ACAD10: variants seen among roughly 807,000 people sequenced by gnomAD.
ACAD10 encodes the protein acyl-CoA dehydrogenase family member 10.
ACAD10 carries 112 observed loss-of-function variants against 116.8 expected under a neutral mutation model. The ratio of observed to expected loss-of-function variants is 0.96; its 90% confidence interval spans 0.82 to 1.12. ACAD10 has a LOEUF of 1.12. Among genes scored for constraint, ACAD10 ranks in the 50% most tolerant of loss-of-function variants. The pLI, the probability that ACAD10 is intolerant of heterozygous loss-of-function variation, is 0.00. For missense variants in ACAD10, 1,259 were observed against 1,350.2 expected (o/e 0.93, Z 1.06); for synonymous variants, 486 against 510.6 (o/e 0.95, Z 0.65).
intron 10 of ACAD10, among the ~76,000 whole-genome samples, chr12:111,733,383 C>T (rs1889454972): frequency 6.6e-6 from 1 of 152,116 alleles, no homozygotes; most frequent in African/African-American, 2.4e-5. Flanking sequence ...CCATTGCTCT[C>T]AGCCCTGGAC....
chr12:111,750,713 G>A (rs1012496204), intron 18 of ACAD10, among the ~76,000 whole-genome samples: 9 of 152,068 alleles, frequency 5.9e-5, no homozygotes, highest in East Asian at 1.9e-4. Flanking sequence ...AACTTTATTC[G>A]GCCATAATCC....
In ACAD10 at chr12:111,704,235, G is replaced by A. The variant is rs185514416; in HGVS notation, c.337-1503G>A. ...CGGCTCACTGCAACCTCTGCCTCCC[G>A]GGTTCAAGCGATTCTCCTGCCTCAG... On this transcript the variant is annotated intron_variant, in intron 3 of 20. Coordinates refer to ENST00000313698, the MANE Select transcript of ACAD10 (RefSeq NM_025247.6). Among the ~76,000 whole-genome samples, 11 of 151,698 alleles carry A rather than the reference G, an allele frequency of 7.3e-5. No homozygotes were observed. In the East Asian group the frequency reaches 1.6e-3, roughly 21 times the overall value.
chr12:111,753,537 G>A (rs1330105374), intron 18 of ACAD10: 6 of 702,850 alleles, frequency 8.5e-6, no homozygotes, highest in Non-Finnish European at 1.3e-5. Context: ...CAGGCACCCT[G>A]TGGGCTGTGG....
At chr12:111,720,054 G>A (rs1161177012) in intron 7 of ACAD10, among the ~76,000 whole-genome samples, 1 of 152,062 alleles carries the variant, frequency 6.6e-6, no homozygotes, top group Non-Finnish European at 1.5e-5. Context: ...AATAGAAATG[G>A]GGTTTCGCCG....
chr12:111,699,495 T>C (rs1888288150), intron 2 of ACAD10, among the ~76,000 whole-genome samples: 1 of 152,150 alleles, frequency 6.6e-6, no homozygotes, highest in South Asian at 2.1e-4. Flanking sequence ...GGGGGGCATA[T>C]ACAAATTGGA....
chr12:111,703,670 T>C (rs1456095274), intron 3 of ACAD10, among the ~76,000 whole-genome samples: 1 of 151,978 alleles, frequency 6.6e-6, no homozygotes, highest in East Asian at 1.9e-4. Context: ...AAACCCCATC[T>C]CTACTAAAAA....
intron 7 of ACAD10, among the ~76,000 whole-genome samples, 157 bp downstream of exon 7, chr12:111,716,119 G>T (rs1350956085): frequency 2.0e-5 from 3 of 152,122 alleles, no homozygotes; most frequent in Non-Finnish European, 2.9e-5. Flanking sequence ...TAATCCCAGT[G>T]CCTTGGGAGA....
intron 16 of ACAD10, among the ~76,000 whole-genome samples, chr12:111,747,969 C>T (rs1346074024): frequency 2.0e-5 from 3 of 152,142 alleles, no homozygotes; most frequent in East Asian, 3.9e-4. Context: ...CACCTGATTC[C>T]AAGGCCCGGG....
At chr12:111,736,174 C>T (rs1220001887) in intron 11 of ACAD10, among the ~76,000 whole-genome samples, 1 of 149,756 alleles carries the variant, frequency 6.7e-6, no homozygotes, top group African/African-American at 2.5e-5. Context: ...AGCCACTGCA[C>T]CCAGCCAATT....
Position 111,702,236 on chromosome 12 carries a change from T to C in ACAD10, c.262T>C (p.Trp88Arg). The C allele has an allele frequency of 6.2e-7, 1 of 1,614,000 alleles. No individual in the cohort carries two copies. The highest frequency in any genetic ancestry group is 1.7e-5 in the Admixed American group (1 of 59,998). Residue 88 changes from tryptophan to arginine, a missense_variant, in exon 3 of 21, where the codon TGG becomes CGG. By Grantham distance (101) the Trp-to-Arg change is moderately radical (BLOSUM62 -3). Transcript: ENST00000313698. ...ALMEGGENGPWMRFMRAEITA... is the reference protein window; with the variant it reads ...ALMEGGENGPRMRFMRAEITA... ...GATGGAAGGTGGTGAAAATGGGCCC[T>C]GGATGAGATTTATGAGAGCAGAAAT...
chr12:111,752,792 G>A (rs1231943253), intron 18 of ACAD10: 2 of 151,182 alleles, frequency 1.3e-5, no homozygotes, highest in East Asian at 3.9e-4. Context: ...TCTGAAAACA[G>A]GTAGTTTTTC....
chr12:111,687,571 T>G (rs1289029659), intron 1 of ACAD10, among the ~76,000 whole-genome samples: 3 of 152,212 alleles, frequency 2.0e-5, no homozygotes, highest in Non-Finnish European at 2.9e-5. Context: ...ACACACATAC[T>G]GTATGCATAA....
At chr12:111,709,851 T>C (rs1593024531) in intron 5 of ACAD10, 167 bp downstream of exon 5, 1 of 781,236 alleles carries the variant, frequency 1.3e-6, no homozygotes. Flanking sequence ...ACTAGCTGCT[T>C]GTATTTTCAA....
Position 111,712,623 on chromosome 12 carries a change from G to T in ACAD10, c.816G>T (p.Lys272Asn). ...TMEIPKDSLQ[K>N]YLKDLLGIQT... ...AAATTCCGAAAGATTCCTTGCAGAA[G>T]TACCTCAAAGACTTACTGGGTATCC... Residue 272 changes from lysine to asparagine, a missense_variant, in exon 6 of 21, where the codon AAG (lysine) becomes AAT (asparagine). Transcript: ENST00000313698. 6.2e-7 allele frequency: 1 copy of T among 1,614,156 alleles called. No homozygotes were observed.
At chr12:111,719,619 C>T (rs1005562814) in intron 7 of ACAD10, among the ~76,000 whole-genome samples, 15 of 152,036 alleles carry the variant, frequency 9.9e-5, no homozygotes, top group African/African-American at 3.1e-4. Flanking sequence ...GTGGCATGAT[C>T]TTGGTTCATT....
rs989998785 is a variant in ACAD10, at chr12:111,749,503, G to A, written c.2817+158G>A. On this transcript the variant is annotated intron_variant, in intron 18 of 20. Coordinates refer to ENST00000313698, the MANE Select transcript of ACAD10 (RefSeq NM_025247.6). Reference sequence around the variant, plus strand: ...TTGCATTCCTGTCTGCTTTGCATCTGCTACTTTGCTGCAGTTTGGATTCAG... The same window carrying A: ...TTGCATTCCTGTCTGCTTTGCATCTACTACTTTGCTGCAGTTTGGATTCAG... 4.0e-6 allele frequency: 4 copies of A among 992,794 alleles called. No homozygotes were observed. The African/African-American group carries it at 4.9e-5, about 12-fold the overall frequency. The allele number at this position is 992,794 out of a possible 1,614,324, so 61.5% of individuals were successfully genotyped here. A position where few individuals can be genotyped will look rare whatever the true frequency, so the allele number is the denominator to read the frequency against.
At chr12:111,695,735 C>T (rs961522314) in intron 2 of ACAD10, among the ~76,000 whole-genome samples, 52 of 151,990 alleles carry the variant, frequency 3.4e-4, no homozygotes, top group African/African-American at 1.2e-3. Flanking sequence ...TAGAATTGGC[C>T]AGGTGCGGTG....
intron 11 of ACAD10, among the ~76,000 whole-genome samples, chr12:111,734,720 A>G (rs1239490216): frequency 6.6e-6 from 1 of 152,234 alleles, no homozygotes; most frequent in Non-Finnish European, 1.5e-5. Context: ...AGTCCCAGAG[A>G]TAACCATTTG....
chr12:111,732,448 G>C (rs1202562490), intron 10 of ACAD10, among the ~76,000 whole-genome samples: 1 of 152,102 alleles, frequency 6.6e-6, no homozygotes, highest in Non-Finnish European at 1.5e-5. Flanking sequence ...GAGAAATATA[G>C]AAATGTCTGA....
Sources: gnomAD v4.1 joint callset for allele counts (sites outside exome capture counted in the v4.1 genomes callset) on GRCh38, gnomAD v4.1.1 for gene constraint, MANE v1.5 for transcripts, NCBI Gene and HGNC (gene_info 2026-07-23, HGNC 2026-07-21) for gene names.